TMEM272: variants seen among roughly 807,000 people sequenced by gnomAD.
TMEM272 encodes the protein long intergenic non-protein coding RNA 282.
Under a neutral mutation model 3.7 loss-of-function variants are expected in TMEM272, and 8 were observed. That is an observed-to-expected ratio of 2.17 (90% CI 1.27 to 3.91). The LOEUF is 3.91. Among genes scored for constraint, TMEM272 ranks in the 30% most tolerant of loss-of-function variants. TMEM272 has a pLI of 0.00. For synonymous variants in TMEM272, 63 were observed against 39.8 expected (o/e 1.58, Z -2.20); for missense variants, 166 against 91.5 (o/e 1.81, Z -3.32).
chr13:51,882,018 A>G, the TMEM272 span, among the ~76,000 whole-genome samples: 1 of 152,240 alleles, frequency 6.6e-6, no homozygotes, highest in Admixed American at 6.5e-5. Flanking sequence ...GAATTTAAAG[A>G]CAACGATAAA....
chr13:51,912,362 C>T, the TMEM272 span, among the ~76,000 whole-genome samples: 4 of 152,254 alleles, frequency 2.6e-5, no homozygotes, highest in Non-Finnish European at 5.9e-5. Context: ...CAGCCTTCTC[C>T]GTATCACGTG....
At chr13:51,915,418 G>A in the TMEM272 span, among the ~76,000 whole-genome samples, 4 of 152,220 alleles carry the variant, frequency 2.6e-5, no homozygotes, top group East Asian at 1.9e-4. Flanking sequence ...GTGCTTAAAA[G>A]TATATAGGCC....
At chr13:51,865,378 C>A in the TMEM272 span, 1 of 1,584,044 alleles carries the variant, frequency 6.3e-7, no homozygotes, top group South Asian at 1.2e-5. Context: ...TGTCATCCCT[C>A]ATGGCCACCC....
the TMEM272 span, among the ~76,000 whole-genome samples, chr13:51,898,621 TAATA>T: frequency 1.3e-5 from 2 of 149,576 alleles, no homozygotes; most frequent in African/African-American, 5.0e-5. Context: ...ACATACTAGA[TAATA>T]AATGTTAGTT....
At chr13:51,855,221 T>C in the TMEM272 span, among the ~76,000 whole-genome samples, 1 of 152,244 alleles carries the variant, frequency 6.6e-6, no homozygotes, top group South Asian at 2.1e-4. Context: ...ATCACAAGCT[T>C]TTGTTTGAAG....
the TMEM272 span, among the ~76,000 whole-genome samples, chr13:51,869,146 C>A: frequency 6.6e-6 from 1 of 152,302 alleles, no homozygotes; most frequent in South Asian, 2.1e-4. Flanking sequence ...TCTAGTTGAA[C>A]CCCCTTATTT....
chr13:51,881,507 G>A, the TMEM272 span, among the ~76,000 whole-genome samples: 7 of 152,176 alleles, frequency 4.6e-5, no homozygotes, highest in Admixed American at 4.6e-4. Context: ...ACAGAAGTGG[G>A]GAGGGGTGTT....
chr13:51,816,554 G>A lies in TMEM272; in HGVS notation c.*197C>T. On this transcript the variant is annotated 3_prime_UTR_variant, in exon 5 of 5. Transcript: ENST00000629372. ...AAGTGATTTCCCCATGTCTAGGAAG[G>A]CAAGAGTTTCTTTAGTCTGCTATTA... 1 of 515,930 alleles carries A rather than the reference G, an allele frequency of 1.9e-6. No homozygotes were observed. The highest frequency in any genetic ancestry group is 3.1e-5 in the South Asian group (1 of 32,236). 32.0% of individuals were successfully genotyped at this position (515,930 alleles called of 1,614,324 possible).
At chr13:51,850,605 G>T in the TMEM272 span, among the ~76,000 whole-genome samples, 2 of 151,748 alleles carry the variant, frequency 1.3e-5, no homozygotes, top group Admixed American at 1.3e-4. Flanking sequence ...GGGGATAGGG[G>T]GTATGCATTG....
At chr13:51,912,866 T>C in the TMEM272 span, among the ~76,000 whole-genome samples, 1 of 152,180 alleles carries the variant, frequency 6.6e-6, no homozygotes, top group African/African-American at 2.4e-5. Flanking sequence ...AAAAAATACT[T>C]AGGAATCTGA....
the TMEM272 span, among the ~76,000 whole-genome samples, chr13:51,896,741 T>C: frequency 6.6e-6 from 1 of 152,182 alleles, no homozygotes; most frequent in African/African-American, 2.4e-5. Context: ...GCCAGAAGCT[T>C]GGCCAGTTTG....
At chr13:51,830,930 T>TAATGAGGCTCACTCTTGCTCGAGGTCG (rs1956168195) in intron 2 of TMEM272, among the ~76,000 whole-genome samples, 1 of 151,088 alleles carries the variant, frequency 6.6e-6, no homozygotes, top group African/African-American at 2.5e-5. Flanking sequence ...GCTCGAGGTC[T>TAATGAGGCTCACTCTTGCTCGAGGTCG]AATGAGGCTC....
At chr13:51,921,916 G>A in the TMEM272 span, among the ~76,000 whole-genome samples, 1 of 152,146 alleles carries the variant, frequency 6.6e-6, no homozygotes, top group African/African-American at 2.4e-5. Flanking sequence ...GTGTGCGTGT[G>A]TGTGTGTATG....
chr13:51,824,691 G>A (rs983542483), intron 3 of TMEM272, among the ~76,000 whole-genome samples: 2 of 152,230 alleles, frequency 1.3e-5, no homozygotes, highest in Admixed American at 6.5e-5. Context: ...GGTGGCTCAT[G>A]CCTGTCATCC....
chr13:51,930,658 T>C, the TMEM272 span: 1 of 151,294 alleles, frequency 6.6e-6, no homozygotes, highest in African/African-American at 2.4e-5. Context: ...AAAGATGCAA[T>C]TAAGAAAAAT....
the TMEM272 span, among the ~76,000 whole-genome samples, chr13:51,929,310 C>T: frequency 6.6e-6 from 1 of 152,202 alleles, no homozygotes; most frequent in Non-Finnish European, 1.5e-5. Context: ...GCACTAAATG[C>T]ATATCTGAGG....
At chr13:51,886,245 G>A in the TMEM272 span, among the ~76,000 whole-genome samples, 2 of 152,224 alleles carry the variant, frequency 1.3e-5, no homozygotes, top group African/African-American at 2.4e-5. Flanking sequence ...GGTGCTGAAG[G>A]AGAAGTTGGG....
the TMEM272 span, among the ~76,000 whole-genome samples, chr13:51,853,072 T>C: frequency 6.6e-6 from 1 of 152,008 alleles, no homozygotes; most frequent in Non-Finnish European, 1.5e-5. Context: ...TTATATATAC[T>C]GTGTTCTTAC....
At chr13:51,863,672 G>C in the TMEM272 span, among the ~76,000 whole-genome samples, 28 of 134,378 alleles carry the variant, frequency 2.1e-4, no homozygotes, top group African/African-American at 5.7e-4. Flanking sequence ...CGCGCACACA[G>C]ACACACACAC....
Sources: gnomAD v4.1 joint callset for allele counts (sites outside exome capture counted in the v4.1 genomes callset) on GRCh38, gnomAD v4.1.1 for gene constraint, MANE v1.5 for transcripts, NCBI Gene and HGNC (gene_info 2026-07-23, HGNC 2026-07-21) for gene names.